The following MTUS2 variants were observed in gnomAD, a reference collection of about 807,000 sequenced individuals.
MTUS2 encodes the protein microtubule-associated tumor suppressor candidate 2.
A neutral mutation model predicts 114.1 loss-of-function variants in MTUS2; 40 were observed. That is an observed-to-expected ratio of 0.35 (90% CI 0.27 to 0.46). MTUS2 has a LOEUF of 0.46. Among genes scored for constraint, MTUS2 ranks in the 20% least tolerant of loss-of-function variants. The pLI is 1.00. For synonymous variants in MTUS2, 688 were observed against 672.0 expected (o/e 1.02, Z -0.37); for missense variants, 1,679 against 1,705.4 (o/e 0.98, Z 0.27).
intron 5 of MTUS2, among the ~76,000 whole-genome samples, chr13:29,103,643 C>T (rs569809376): frequency 1.4e-4 from 21 of 152,244 alleles, no homozygotes; most frequent in African/African-American, 4.6e-4. Context: ...GCCTGGTTTA[C>T]ACCAGCAACA....
intron 2 of MTUS2, among the ~76,000 whole-genome samples, chr13:28,959,416 G>A (rs1883220853): frequency 6.6e-6 from 1 of 152,220 alleles, no homozygotes; most frequent in South Asian, 2.1e-4. Context: ...CCATGGTTCA[G>A]TGGAAGCCAT....
intron 2 of MTUS2, among the ~76,000 whole-genome samples, chr13:28,887,752 G>C (rs888291441): frequency 1.3e-5 from 2 of 152,068 alleles, no homozygotes; most frequent in African/African-American, 2.4e-5. Context: ...GTCTGCTTTA[G>C]GACCTTTTTC....
intron 6 of MTUS2, among the ~76,000 whole-genome samples, chr13:29,302,870 G>C (rs567719165): frequency 1.3e-5 from 2 of 152,178 alleles, no homozygotes. Flanking sequence ...TCCCAACTGG[G>C]GTCTCTGGCC....
chr13:29,301,859 G>A (rs1307906802), intron 6 of MTUS2, among the ~76,000 whole-genome samples: 3 of 152,140 alleles, frequency 2.0e-5, no homozygotes, highest in African/African-American at 7.2e-5. Context: ...TGAAGGCATG[G>A]GAAGATTTAA....
At chr13:29,153,579 C>T (rs987841257) in intron 5 of MTUS2, among the ~76,000 whole-genome samples, 13 of 152,122 alleles carry the variant, frequency 8.5e-5, no homozygotes, top group Non-Finnish European at 1.9e-4. Flanking sequence ...GCTGGCACTG[C>T]CTCCAGCTGT....
In MTUS2 at chr13:28,958,631, A is replaced by G. The variant is rs570362370; in HGVS notation, c.-242-65826A>G. 4.9e-4 allele frequency among the ~76,000 whole-genome samples: 75 copies of G among 152,340 alleles called. 4 individuals are homozygous for G. In the South Asian group the frequency reaches 0.016, roughly 32 times the overall value. On this transcript the variant is annotated intron_variant, in intron 2 of 15. Coordinates refer to ENST00000612955, the MANE Select transcript of MTUS2 (RefSeq NM_001033602.4). ...GTGGAAATTCTCTGGAGGCAGCCACATTGACAAGAGCTAGAAGTAGAAAAT... is the reference window on the plus strand; with the variant it reads ...GTGGAAATTCTCTGGAGGCAGCCACGTTGACAAGAGCTAGAAGTAGAAAAT...
At chr13:28,823,892 A>G (rs1182054682) in intron 1 of MTUS2, among the ~76,000 whole-genome samples, 1 of 152,194 alleles carries the variant, frequency 6.6e-6, no homozygotes, top group Admixed American at 6.5e-5. Context: ...AAAATGAGCA[A>G]AAGGGGGAAA....
intron 5 of MTUS2, among the ~76,000 whole-genome samples, chr13:29,123,327 A>T (rs1033939963): frequency 6.6e-6 from 1 of 151,716 alleles, no homozygotes; most frequent in Non-Finnish European, 1.5e-5. Flanking sequence ...TATAATTTTC[A>T]TTTAAATTTT....
intron 1 of MTUS2, among the ~76,000 whole-genome samples, chr13:28,828,442 A>C (rs924910040): frequency 7.2e-5 from 11 of 152,250 alleles, no homozygotes; most frequent in Admixed American, 5.9e-4. Flanking sequence ...AGGCATAGGA[A>C]ATCACAAGAG....
intron 5 of MTUS2, among the ~76,000 whole-genome samples, chr13:29,271,422 T>A (rs1490225423): frequency 6.6e-6 from 1 of 152,230 alleles, no homozygotes; most frequent in Non-Finnish European, 1.5e-5. Context: ...GCTGGGTCTT[T>A]ACTCATGCCA....
intron 5 of MTUS2, among the ~76,000 whole-genome samples, chr13:29,161,802 C>G (rs922376103): frequency 6.6e-6 from 1 of 152,232 alleles, no homozygotes; most frequent in Admixed American, 6.5e-5. Context: ...CTGGCAGCGT[C>G]CCTCTTGCTG....
chr13:29,218,547 C>G (rs1003835845), intron 5 of MTUS2, among the ~76,000 whole-genome samples: 2 of 152,208 alleles, frequency 1.3e-5, no homozygotes, highest in African/African-American at 4.8e-5. Flanking sequence ...GAATCATTGT[C>G]TATGGCAGCT....
chr13:29,043,749 GACTTTAA>G (rs1887483289), intron 4 of MTUS2, among the ~76,000 whole-genome samples: 1 of 144,804 alleles, frequency 6.9e-6, no homozygotes, highest in Admixed American at 7.0e-5. Flanking sequence ...TGTTTCTCTA[GACTTTAA>G]ACAATAAAGT....
chr13:29,503,107 C>A lies in MTUS2; in HGVS notation c.4011C>A (p.Asp1337Glu). The change falls in exon 16 of 16, where the codon GAC (aspartate) becomes GAA (glutamate). Residue 1337 changes from aspartate (D) to glutamate (E), a missense_variant. Asp to Glu is a conservative substitution (Grantham distance 45). Around this residue, in one of 3 missense-constraint regions of MTUS2, gnomAD observed 822 missense variants for 899.7 expected, o/e 0.91. Coordinates refer to ENST00000612955, the MANE Select transcript of MTUS2 (RefSeq NM_001033602.4). Reference sequence around the variant, plus strand: ...TGCTTTGGAAGCTCCAAACTGGGGACCCGACCAGTCCGATTAAACTCTCGC... The same window carrying A: ...TGCTTTGGAAGCTCCAAACTGGGGAACCGACCAGTCCGATTAAACTCTCGC... ...EELLWKLQTGDPTSPIKLSPT... is the reference protein window; with the variant it reads ...EELLWKLQTGEPTSPIKLSPT... 6.2e-7 allele frequency: 1 copy of A among 1,614,222 alleles called. No homozygotes were observed. Among genetic ancestry groups the A allele is most frequent in the Non-Finnish European group, 8.5e-7 (1 of 1,180,032 alleles).
At chr13:29,454,980 C>T (rs1878998133) in intron 9 of MTUS2, among the ~76,000 whole-genome samples, 1 of 152,178 alleles carries the variant, frequency 6.6e-6, no homozygotes, top group Non-Finnish European at 1.5e-5. Context: ...TTTCTAAGCA[C>T]TGCACATTTG....
intron 2 of MTUS2, among the ~76,000 whole-genome samples, chr13:28,938,719 AG>A (rs1882061281): frequency 1.3e-5 from 2 of 151,998 alleles, no homozygotes; most frequent in African/African-American, 4.8e-5. Context: ...AGGCACAAAA[AG>A]GACAAATGTT....
At chr13:29,122,686 C>T (rs1221508079) in intron 5 of MTUS2, among the ~76,000 whole-genome samples, 1 of 152,138 alleles carries the variant, frequency 6.6e-6, no homozygotes, top group African/African-American at 2.4e-5. Context: ...CAGCCCTCAC[C>T]CTGTGGGTTC....
intron 5 of MTUS2, among the ~76,000 whole-genome samples, chr13:29,267,625 C>T (rs1897715410): frequency 6.6e-6 from 1 of 152,174 alleles, no homozygotes; most frequent in Non-Finnish European, 1.5e-5. Context: ...GGGCACATTA[C>T]AATGTGGGAC....
chr13:29,175,380 A>G (rs1254533261), intron 5 of MTUS2, among the ~76,000 whole-genome samples: 4 of 152,206 alleles, frequency 2.6e-5, no homozygotes, highest in Non-Finnish European at 5.9e-5. Context: ...TCATAATCAC[A>G]GTCATTTCCA....
Sources: gnomAD v4.1 joint callset for allele counts (sites outside exome capture counted in the v4.1 genomes callset) on GRCh38, gnomAD v4.1.1 for gene constraint, gnomAD v4.1.1 regional missense constraint, MANE v1.5 for transcripts, NCBI Gene and HGNC (gene_info 2026-07-23, HGNC 2026-07-21) for gene names.